The following LMBRD1 variants were observed in gnomAD, a reference collection of about 807,000 sequenced individuals.
The protein encoded by LMBRD1 is LMBR1 domain containing 1, also known as lysosomal cobalamin transport escort protein LMBD1.
LMBRD1 carries 64 observed loss-of-function variants against 74.8 expected under a neutral mutation model. That is an observed-to-expected ratio of 0.86 (90% confidence interval 0.70 to 1.05). The LOEUF is 1.05. LMBRD1 is among the 50% of genes least tolerant of loss of function. LMBRD1 has a pLI of 0.00. For synonymous variants in LMBRD1, 204 were observed against 216.3 expected (o/e 0.94, Z 0.50); for missense variants, 652 against 645.9 (o/e 1.01, Z -0.10).
chr6:69,700,742 A>G, intron 12 of LMBRD1, 23 bp downstream of exon 12: 1 of 1,402,152 alleles, frequency 7.1e-7, no homozygotes, highest in South Asian at 1.4e-5. Flanking sequence ...TGAGAAAAAA[A>G]TAATACTGTA....
intron 9 of LMBRD1, among the ~76,000 whole-genome samples, chr6:69,706,793 T>C (rs374653739): frequency 2.5e-3 from 386 of 152,320 alleles, no homozygotes; most frequent in African/African-American, 8.7e-3. Flanking sequence ...ACAGTTATTA[T>C]ATCTTCATTC....
In LMBRD1 at chr6:69,701,917, G is replaced by T; in HGVS notation, c.952C>A (p.Leu318Met). Residue 318 changes from leucine (L) to methionine (M), a missense_variant, in exon 10 of 16, where the codon CTG (leucine) becomes ATG (methionine). This residue lies in a region of LMBRD1 where 598 missense variants were observed against 581.8 expected (regional missense o/e 1.03). Coordinates refer to ENST00000649934, the MANE Select transcript of LMBRD1 (RefSeq NM_018368.4). ...GACAAGAAGAGAGAAATTACAAACA[G>T]CAATGCAACTAAGATGAAAAATATT... Reference protein sequence around the residue: ...WGIFFILVALLFVISLFLSNL... With the variant: ...WGIFFILVALMFVISLFLSNL... The T allele has an allele frequency of 6.2e-7, 1 of 1,600,494 alleles. No individual in the cohort carries two copies. Among genetic ancestry groups the T allele is most frequent in the Non-Finnish European group, 8.6e-7 (1 of 1,168,604 alleles).
intron 14 of LMBRD1, among the ~76,000 whole-genome samples, chr6:69,694,661 C>G (rs1042959228): frequency 1.2e-4 from 18 of 152,038 alleles, no homozygotes; most frequent in Admixed American, 2.0e-4. Flanking sequence ...TGTTTATTTT[C>G]TAACCTTCAA....
intron 2 of LMBRD1, among the ~76,000 whole-genome samples, chr6:69,783,944 G>C (rs922027687): frequency 1.3e-5 from 2 of 152,126 alleles, no homozygotes; most frequent in African/African-American, 2.4e-5. Context: ...ACTCTATAAG[G>C]ATCTTTTGCC....
chr6:69,784,512 T>C (rs544834081), intron 2 of LMBRD1, among the ~76,000 whole-genome samples: 8 of 152,266 alleles, frequency 5.3e-5, no homozygotes, highest in African/African-American at 1.9e-4. Flanking sequence ...ACAGAGTCAG[T>C]ATACTACAGG....
In LMBRD1 at chr6:69,741,819, T is replaced by G; in HGVS notation, c.532A>C (p.Lys178Gln). 1 of 1,605,120 alleles carries G rather than the reference T, an allele frequency of 6.2e-7. No homozygotes were observed. The highest frequency in any genetic ancestry group is 8.5e-7 in the Non-Finnish European group (1 of 1,171,994). The change falls in exon 6 of 16, where the codon AAG becomes CAG. Residue 178 changes from lysine to glutamine, a missense_variant. By Grantham distance (53) the Lys-to-Gln change is moderately conservative. Around this residue, in one of 3 missense-constraint regions of LMBRD1, gnomAD observed 598 missense variants for 581.8 expected, o/e 1.03. Coordinates refer to ENST00000649934, the MANE Select transcript of LMBRD1 (RefSeq NM_018368.4). ...NKNSTEWEKVKSLFEELGSSH... is the reference protein window; with the variant it reads ...NKNSTEWEKVQSLFEELGSSH... Reference sequence around the variant, plus strand: ...CTTCCAAGTTCTTCAAATAGGGACTTCACTTTTTCCCACTCTGTAGAATTT... The same window carrying G: ...CTTCCAAGTTCTTCAAATAGGGACTGCACTTTTTCCCACTCTGTAGAATTT...
At chr6:69,782,651 A>C (rs1765862550) in intron 2 of LMBRD1, among the ~76,000 whole-genome samples, 1 of 151,344 alleles carries the variant, frequency 6.6e-6, no homozygotes, top group South Asian at 2.1e-4. Context: ...ACTACACTCT[A>C]GCCTGAGCAA....
intron 14 of LMBRD1, among the ~76,000 whole-genome samples, chr6:69,696,098 C>T (rs1765991363): frequency 6.6e-6 from 1 of 152,288 alleles, no homozygotes; most frequent in South Asian, 2.1e-4. Context: ...CCTGCCTCGG[C>T]CTCCCAGTGT....
At chr6:69,791,295 G>C (rs573680459) in intron 1 of LMBRD1, among the ~76,000 whole-genome samples, 7 of 152,302 alleles carry the variant, frequency 4.6e-5, no homozygotes, top group African/African-American at 1.7e-4. Flanking sequence ...ATTTGTAACA[G>C]CTTCCCCAGG....
intron 1 of LMBRD1, among the ~76,000 whole-genome samples, chr6:69,791,864 A>T (rs1455873964): frequency 6.6e-6 from 1 of 152,204 alleles, no homozygotes; most frequent in East Asian, 1.9e-4. Flanking sequence ...ACTAGAGGCT[A>T]AGGGCTAATA....
At chr6:69,745,259 T>C (rs1428177849) in intron 5 of LMBRD1, among the ~76,000 whole-genome samples, 1 of 151,098 alleles carries the variant, frequency 6.6e-6, no homozygotes, top group Non-Finnish European at 1.5e-5. Flanking sequence ...ATTTCTTTTT[T>C]TTTTTTTTTT....
intron 9 of LMBRD1, among the ~76,000 whole-genome samples, chr6:69,711,734 GCAGT>G (rs1213232560): frequency 1.3e-5 from 2 of 152,116 alleles, no homozygotes; most frequent in Admixed American, 1.3e-4. Context: ...TTTAGGGTGA[GCAGT>G]TAGTGCATTT....
intron 9 of LMBRD1, among the ~76,000 whole-genome samples, chr6:69,704,358 C>A (rs534399495): frequency 9.9e-5 from 15 of 152,158 alleles, no homozygotes; most frequent in African/African-American, 3.6e-4. Flanking sequence ...TGGAATTCTA[C>A]TGTAGGGAAG....
intron 14 of LMBRD1, among the ~76,000 whole-genome samples, chr6:69,685,410 T>G (rs150177377): frequency 6.6e-6 from 1 of 152,314 alleles, no homozygotes; most frequent in East Asian, 1.9e-4. Flanking sequence ...CAGTTTTTAC[T>G]AGAGAAATGG....
At chr6:69,769,105 CTTCT>C (rs1251281059) in intron 3 of LMBRD1, among the ~76,000 whole-genome samples, 3 of 151,978 alleles carry the variant, frequency 2.0e-5, no homozygotes, top group Non-Finnish European at 4.4e-5. Flanking sequence ...TTCCTGCCCT[CTTCT>C]TTCTCTTTTC....
chr6:69,718,809 G>C, intron 8 of LMBRD1, 147 bp downstream of exon 8: 1 of 767,096 alleles, frequency 1.3e-6, no homozygotes, highest in Non-Finnish European at 2.2e-6. Context: ...ATTTAAGTGA[G>C]GACACAGTCA....
intron 10 of LMBRD1, 29 bp from the exon 11 acceptor site, chr6:69,701,574 A>T: frequency 7.6e-7 from 1 of 1,318,752 alleles, no homozygotes; most frequent in Non-Finnish European, 1.1e-6. Flanking sequence ...AATGAAATTT[A>T]TGTTATACTA....
At chr6:69,719,676 A>G (rs1187250322) in intron 7 of LMBRD1, among the ~76,000 whole-genome samples, 1 of 152,162 alleles carries the variant, frequency 6.6e-6, no homozygotes, top group Non-Finnish European at 1.5e-5. Context: ...CCAGTCCCAA[A>G]TGACAGCTTT....
chr6:69,773,648 T>A (rs933611184), intron 3 of LMBRD1, among the ~76,000 whole-genome samples: 3 of 152,186 alleles, frequency 2.0e-5, no homozygotes, highest in Admixed American at 2.0e-4. Context: ...TACTACAAAA[T>A]TGTTTTAACA....
Sources: gnomAD v4.1 joint callset for allele counts (sites outside exome capture counted in the v4.1 genomes callset) on GRCh38, gnomAD v4.1.1 for gene constraint, gnomAD v4.1.1 regional missense constraint, MANE v1.5 for transcripts, NCBI Gene and HGNC (gene_info 2026-07-23, HGNC 2026-07-21) for gene names.